PPP1R9A: variants seen among roughly 807,000 people sequenced by gnomAD.
The protein encoded by PPP1R9A is protein phosphatase 1 regulatory subunit 9A.
A neutral mutation model predicts 141.9 loss-of-function variants in PPP1R9A; 59 were observed. That is an observed-to-expected ratio of 0.42 (90% CI 0.34 to 0.52). The LOEUF is 0.52. Among genes scored for constraint, PPP1R9A ranks in the 20% least tolerant of loss-of-function variants. The pLI is 0.10. For missense variants in PPP1R9A, 1,444 were observed against 1,611.9 expected (o/e 0.90, Z 1.78); for synonymous variants, 500 against 569.7 (o/e 0.88, Z 1.74).
intron 4 of PPP1R9A, among the ~76,000 whole-genome samples, chr7:95,146,935 C>T (rs1399889627): frequency 6.6e-6 from 1 of 152,074 alleles, no homozygotes; most frequent in Non-Finnish European, 1.5e-5. Context: ...TAACATGATG[C>T]CTTCAGCTTT....
At chr7:95,120,506 G>T (rs1822370685) in intron 3 of PPP1R9A, among the ~76,000 whole-genome samples, 1 of 152,186 alleles carries the variant, frequency 6.6e-6, no homozygotes, top group South Asian at 2.1e-4. Flanking sequence ...GTAGTAAAAT[G>T]ATGCTAAATG....
chr7:95,175,680 A>G (rs922357182), intron 5 of PPP1R9A, among the ~76,000 whole-genome samples: 1 of 152,100 alleles, frequency 6.6e-6, no homozygotes, highest in Non-Finnish European at 1.5e-5. Context: ...TCAATGATTT[A>G]TATGTTTGCT....
chr7:95,168,699 A>G (rs1224473871), intron 5 of PPP1R9A, among the ~76,000 whole-genome samples: 1 of 152,100 alleles, frequency 6.6e-6, no homozygotes, highest in Non-Finnish European at 1.5e-5. Context: ...TAAAAAAGCA[A>G]AAATAGTCTC....
chr7:95,069,842 A>G lies in PPP1R9A; in HGVS notation c.1396-41417A>G, dbSNP rs1308750906. The stretch of plus-strand genomic sequence containing the variant: ...AAAGTGAACCATTACATCTTACTGT[A>G]TGTGTATGTCCTTTAGCTTCATGTT... On this transcript the variant is annotated intron_variant, in intron 2 of 19. Transcript: ENST00000433360. Among the ~76,000 whole-genome samples the G allele has an allele frequency of 4.6e-5, 7 of 152,110 alleles. 1 individual carries two copies. Among genetic ancestry groups the G allele is most frequent in the Admixed American group, 1.3e-4 (2 of 15,266 alleles).
chr7:95,005,880 C>A (rs961568834), intron 2 of PPP1R9A, among the ~76,000 whole-genome samples: 1 of 151,760 alleles, frequency 6.6e-6, no homozygotes, highest in Non-Finnish European at 1.5e-5. Flanking sequence ...CCCTTGTTAC[C>A]AGACATAAAT....
intron 12 of PPP1R9A, among the ~76,000 whole-genome samples, chr7:95,261,411 A>G (rs1800407143): frequency 6.6e-6 from 1 of 152,216 alleles, no homozygotes; most frequent in Admixed American, 6.5e-5. Context: ...CTATACAGTA[A>G]TCATGTCTAA....
chr7:95,154,189 T>G (rs1210750993), intron 4 of PPP1R9A, among the ~76,000 whole-genome samples: 2 of 152,064 alleles, frequency 1.3e-5, no homozygotes, highest in African/African-American at 4.8e-5. Context: ...ATTTGCTATC[T>G]ACCATAGGTT....
At chr7:95,100,525 C>T (rs572308690) in intron 2 of PPP1R9A, among the ~76,000 whole-genome samples, 2 of 152,250 alleles carry the variant, frequency 1.3e-5, no homozygotes, top group South Asian at 2.1e-4. Flanking sequence ...CTATTTTGCT[C>T]ACGCCTTCTT....
intron 2 of PPP1R9A, among the ~76,000 whole-genome samples, chr7:94,964,832 A>G (rs770027388): frequency 1.3e-5 from 2 of 151,612 alleles, no homozygotes; most frequent in African/African-American, 2.4e-5. Context: ...TGATTTGAGT[A>G]TATACCCAGT....
intron 8 of PPP1R9A, among the ~76,000 whole-genome samples, chr7:95,246,682 T>A (rs1798158693): frequency 6.6e-6 from 1 of 152,178 alleles, no homozygotes; most frequent in South Asian, 2.1e-4. Context: ...GACAAGAAAT[T>A]GTGAACCCAT....
At chr7:95,218,351 G>T (rs559674166) in intron 7 of PPP1R9A, among the ~76,000 whole-genome samples, 3 of 152,278 alleles carry the variant, frequency 2.0e-5, no homozygotes, top group African/African-American at 4.8e-5. Flanking sequence ...TATAATTTCT[G>T]TTCTTTTCCA....
rs563003566 is a variant in PPP1R9A at position 95,003,868 on chromosome 7, C to T, written c.1395+92360C>T. 1.1e-3 allele frequency among the ~76,000 whole-genome samples: 167 copies of T among 152,252 alleles called. 3 individuals carry two copies. Among genetic ancestry groups the T allele is most frequent in the Non-Finnish European group, 1.5e-3 (105 of 68,014 alleles). On this transcript the variant is annotated intron_variant, in intron 2 of 19. Coordinates refer to ENST00000433360, the MANE Select transcript of PPP1R9A (RefSeq NM_001166160.2). ...ACTTTCTTTTATCTTCATATGGAAT[C>T]AGAAAAGTAAAGAGGAAGAAAAGGA...
At chr7:95,150,216 G>A (rs926756384) in intron 4 of PPP1R9A, among the ~76,000 whole-genome samples, 3 of 150,158 alleles carry the variant, frequency 2.0e-5, no homozygotes, top group African/African-American at 7.3e-5. Flanking sequence ...AACTCAAAAT[G>A]AATTGCAGAC....
chr7:95,139,972 C>A (rs1000470513), intron 4 of PPP1R9A, among the ~76,000 whole-genome samples: 7 of 152,062 alleles, frequency 4.6e-5, no homozygotes, highest in African/African-American at 1.4e-4. Flanking sequence ...AATACTACTA[C>A]CACATTGCTA....
rs766476851 is a variant in PPP1R9A at position 95,292,643 on chromosome 7, A to T, written c.*2340A>T. On this transcript the variant is annotated 3_prime_UTR_variant, in exon 20 of 20. Coordinates refer to ENST00000433360, the MANE Select transcript of PPP1R9A (RefSeq NM_001166160.2). ...TGACAATGTTATAAATCAAATTCTT[A>T]TTCCTAAAATCATTTAGTATTATAA... 3 of 152,236 alleles carry T rather than the reference A, an allele frequency of 2.0e-5. No individual in the cohort carries two copies. Among genetic ancestry groups the T allele is most frequent in the Non-Finnish European group, 4.4e-5 (3 of 68,026 alleles). 9.4% of individuals were successfully genotyped at this position (152,236 alleles called of 1,614,324 possible). A position where few individuals can be genotyped will look rare whatever the true frequency, so the allele number is the denominator to read the frequency against.
At chr7:95,005,424 A>T (rs967052733) in intron 2 of PPP1R9A, among the ~76,000 whole-genome samples, 17 of 152,298 alleles carry the variant, frequency 1.1e-4, no homozygotes, top group South Asian at 2.1e-4. Context: ...TAAACTTTTT[A>T]AAAAAGTTTA....
At chr7:95,147,476 A>G (rs1827848202) in intron 4 of PPP1R9A, among the ~76,000 whole-genome samples, 2 of 152,176 alleles carry the variant, frequency 1.3e-5, no homozygotes, top group South Asian at 4.1e-4. Context: ...TCCTATTTGA[A>G]TAGTCTTTAT....
At chr7:95,030,035 A>G (rs531130047) in intron 2 of PPP1R9A, among the ~76,000 whole-genome samples, 1 of 152,220 alleles carries the variant, frequency 6.6e-6, no homozygotes, top group Admixed American at 6.5e-5. Context: ...AAAGACGTAT[A>G]TCTCATCGCT....
chr7:94,911,058 C>T lies in PPP1R9A; in HGVS notation c.945C>T (p.Ser315=). The T allele has an allele frequency of 6.2e-7, 1 of 1,614,160 alleles. No individual in the cohort carries two copies. The highest frequency in any genetic ancestry group is 8.5e-7 in the Non-Finnish European group (1 of 1,180,022). The change falls in exon 2 of 20, where the codon AGC becomes AGT. Residue 315 remains serine (S), a synonymous_variant. Coordinates refer to ENST00000433360, the MANE Select transcript of PPP1R9A (RefSeq NM_001166160.2). ...CATCTAATCAACAGACTCCCGACAG[C>T]ATTGACAAAGATGGTCCTGAAGAAC... The part of the protein sequence containing the change: ...DSTSNQQTPD[S]IDKDGPEEPC...
Sources: gnomAD v4.1 joint callset for allele counts (sites outside exome capture counted in the v4.1 genomes callset) on GRCh38, gnomAD v4.1.1 for gene constraint, MANE v1.5 for transcripts, NCBI Gene and HGNC (gene_info 2026-07-23, HGNC 2026-07-21) for gene names.